CNTNAP2: variants seen among roughly 807,000 people sequenced by gnomAD.
The protein encoded by CNTNAP2 is contactin associated protein 2, also known as contactin-associated protein-like 2.
CNTNAP2 carries 98 observed loss-of-function variants against 155.2 expected under a neutral mutation model. The observed-to-expected ratio is 0.63, with a 90% CI of 0.54 to 0.75. CNTNAP2 has a LOEUF of 0.75. Ranked by LOEUF, CNTNAP2 falls within the 30% of genes least tolerant of loss-of-function variation. CNTNAP2 has a pLI of 0.00. For synonymous variants in CNTNAP2, 651 were observed against 631.2 expected (o/e 1.03, Z -0.47); for missense variants, 1,727 against 1,688.1 (o/e 1.02, Z -0.40).
At chr7:148,322,908 C>G (rs1366504733) in intron 21 of CNTNAP2, among the ~76,000 whole-genome samples, 1 of 151,412 alleles carries the variant, frequency 6.6e-6, no homozygotes, top group Admixed American at 6.6e-5. Context: ...TCCTTCAAAG[C>G]CCAGGTTGAA....
At chr7:146,550,346 G>T (rs1798096322) in intron 1 of CNTNAP2, among the ~76,000 whole-genome samples, 1 of 147,640 alleles carries the variant, frequency 6.8e-6, no homozygotes, top group Admixed American at 6.7e-5. Flanking sequence ...AGATCCTATG[G>T]GCAGCAATTC....
intron 1 of CNTNAP2, among the ~76,000 whole-genome samples, chr7:146,736,114 G>A (rs11974359): frequency 0.014 from 2,088 of 152,148 alleles, 50 homozygotes; most frequent in African/African-American, 0.046. Flanking sequence ...TATTCATATG[G>A]CATGTATATT....
chr7:146,402,279 G>T (rs909007793), intron 1 of CNTNAP2, among the ~76,000 whole-genome samples: 2 of 152,190 alleles, frequency 1.3e-5, no homozygotes, highest in East Asian at 1.9e-4. Context: ...CTTAACCTGT[G>T]CTTCAGCTGT....
intron 3 of CNTNAP2, among the ~76,000 whole-genome samples, chr7:146,947,406 C>A (rs1196877318): frequency 0.013 from 1,714 of 131,868 alleles, 12 homozygotes; most frequent in Non-Finnish European, 0.019. Context: ...CTCTCTCTCT[C>A]TCTCTATATA....
chr7:146,710,193 G>A (rs1801038801), intron 1 of CNTNAP2, among the ~76,000 whole-genome samples: 1 of 152,002 alleles, frequency 6.6e-6, no homozygotes, highest in Admixed American at 6.6e-5. Context: ...GGAGCTAACG[G>A]GTACAGAACC....
intron 21 of CNTNAP2, among the ~76,000 whole-genome samples, chr7:148,293,201 G>A (rs1918291): frequency 0.41 from 62,596 of 151,924 alleles, 13,422 homozygotes; most frequent in East Asian, 0.65. Context: ...GGACATTCAC[G>A]CATACACTCA....
chr7:146,711,046 G>C (rs1215118368), intron 1 of CNTNAP2, among the ~76,000 whole-genome samples: 2 of 151,562 alleles, frequency 1.3e-5, no homozygotes, highest in African/African-American at 4.8e-5. Context: ...TCAGGTGCTG[G>C]GGAGAACACA....
intron 9 of CNTNAP2, among the ~76,000 whole-genome samples, chr7:147,367,916 G>A (rs761251018): frequency 1.6e-4 from 25 of 151,786 alleles, no homozygotes; most frequent in Non-Finnish European, 2.6e-4. Context: ...TAACCTTTGC[G>A]GTCAGGTCCT....
At chr7:146,935,437 A>T (rs895158001) in intron 3 of CNTNAP2, among the ~76,000 whole-genome samples, 1 of 152,200 alleles carries the variant, frequency 6.6e-6, no homozygotes, top group African/African-American at 2.4e-5. Context: ...AATCAGTCAG[A>T]AACAGAACTT....
chr7:146,679,501 G>A (rs936183220), intron 1 of CNTNAP2, among the ~76,000 whole-genome samples: 16 of 151,694 alleles, frequency 1.1e-4, no homozygotes, highest in African/African-American at 1.4e-4. Flanking sequence ...GATTACAGGC[G>A]CCCGCCAACA....
intron 13 of CNTNAP2, among the ~76,000 whole-genome samples, chr7:147,802,301 C>G (rs1798011970): frequency 1.4e-5 from 2 of 140,558 alleles, no homozygotes; most frequent in Non-Finnish European, 3.1e-5. Flanking sequence ...ACTGGGCAGC[C>G]AGGCAGAGGG....
chr7:148,327,509 C>G (rs62470597), intron 21 of CNTNAP2, among the ~76,000 whole-genome samples: 22,688 of 151,514 alleles, frequency 0.15, 2,121 homozygotes, highest in South Asian at 0.33. Flanking sequence ...TTGTAAAAAC[C>G]CTGTTGTAAA....
chr7:147,981,969 C>T (rs568746647), intron 15 of CNTNAP2, among the ~76,000 whole-genome samples: 111 of 151,962 alleles, frequency 7.3e-4, no homozygotes, highest in African/African-American at 2.6e-3. Flanking sequence ...ACTACACGTA[C>T]GCACCTAGAA....
intron 3 of CNTNAP2, among the ~76,000 whole-genome samples, chr7:146,913,675 T>C (rs183703606): frequency 1.3e-5 from 2 of 152,160 alleles, no homozygotes; most frequent in Admixed American, 6.6e-5. Context: ...TCTACCCCCA[T>C]GACTTCATCT....
intron 4 of CNTNAP2, among the ~76,000 whole-genome samples, chr7:147,065,015 T>A (rs1195722213): frequency 1.3e-5 from 2 of 152,176 alleles, no homozygotes; most frequent in Non-Finnish European, 2.9e-5. Context: ...GTTCTATACA[T>A]GTTTTTCTTC....
intron 1 of CNTNAP2, among the ~76,000 whole-genome samples, chr7:146,355,219 A>G (rs570912550): frequency 5.3e-5 from 8 of 152,356 alleles, no homozygotes; most frequent in African/African-American, 1.9e-4. Flanking sequence ...AACTTTAACA[A>G]GATGATAATT....
Position 148,383,798 on chromosome 7 carries a change from C to A in CNTNAP2, c.3625C>A (p.Leu1209Met), listed in dbSNP as rs1238009736. 6.2e-7 allele frequency: 1 copy of A among 1,614,194 alleles called. No individual in the cohort carries two copies. Among genetic ancestry groups the A allele is most frequent in the Admixed American group, 1.7e-5 (1 of 60,026 alleles). Reference protein sequence around the residue: ...ASAHVHIQGELVESNCGASPL... With the variant: ...ASAHVHIQGEMVESNCGASPL... ...GGCTCACGTCCACATCCAGGGCGAG[C>A]TGGTGGAGTCCAACTGCGGGGCCTC... Residue 1209 changes from leucine (L) to methionine (M), a missense_variant, in exon 22 of 24, where the codon CTG becomes ATG. Leu to Met is a conservative substitution (Grantham distance 15). Coordinates refer to ENST00000361727, the MANE Select transcript of CNTNAP2 (RefSeq NM_014141.6).
intron 3 of CNTNAP2, among the ~76,000 whole-genome samples, chr7:146,859,666 A>T (rs906155559): frequency 1.1e-4 from 16 of 150,660 alleles, no homozygotes; most frequent in African/African-American, 2.9e-4. Context: ...TCTCAAAAAA[A>T]AAAAATATAT....
chr7:146,383,867 C>T (rs1047337172), intron 1 of CNTNAP2, among the ~76,000 whole-genome samples: 2 of 152,132 alleles, frequency 1.3e-5, no homozygotes, highest in Non-Finnish European at 2.9e-5. Flanking sequence ...GAGTCAGTAT[C>T]TCTGGCTTTT....
Sources: gnomAD v4.1 joint callset for allele counts (sites outside exome capture counted in the v4.1 genomes callset) on GRCh38, gnomAD v4.1.1 for gene constraint, MANE v1.5 for transcripts, NCBI Gene and HGNC (gene_info 2026-07-23, HGNC 2026-07-21) for gene names.